The following TDRD9 variants were observed in gnomAD, a reference collection of about 807,000 sequenced individuals.
TDRD9 encodes the protein ATP-dependent RNA helicase TDRD9.
Under a neutral mutation model 172.6 loss-of-function variants are expected in TDRD9, and 124 were observed. That is an observed-to-expected ratio of 0.72 (90% confidence interval 0.62 to 0.83). The LOEUF is 0.83. Ranked by LOEUF, TDRD9 falls within the 40% of genes least tolerant of loss-of-function variation. TDRD9 has a pLI of 0.00. For missense variants in TDRD9, 1,479 were observed against 1,714.1 expected (o/e 0.86, Z 2.42); for synonymous variants, 619 against 617.1 (o/e 1.00, Z -0.05).
At chr14:104,026,416 T>C (rs907314159) in intron 27 of TDRD9, among the ~76,000 whole-genome samples, 14 of 152,248 alleles carry the variant, frequency 9.2e-5, no homozygotes, top group South Asian at 2.1e-4. Flanking sequence ...ACAGACTTTT[T>C]AGGTAGGCCA....
intron 1 of TDRD9, chr14:103,941,562 A>G: frequency 6.5e-7 from 1 of 1,535,248 alleles, no homozygotes; most frequent in Non-Finnish European, 8.7e-7. Context: ...GATTTCTTGT[A>G]TTAATCTCTC....
intron 1 of TDRD9, among the ~76,000 whole-genome samples, chr14:103,933,716 T>G (rs2030556707): frequency 6.6e-6 from 1 of 152,112 alleles, no homozygotes; most frequent in African/African-American, 2.4e-5. Context: ...CCCAGGTCCC[T>G]AAGTCTTGGT....
At chr14:103,966,635 C>A (rs888783458) in intron 4 of TDRD9, 74 bp from the exon 5 acceptor site, 10 of 1,314,980 alleles carry the variant, frequency 7.6e-6, no homozygotes, top group African/African-American at 1.5e-5. Context: ...CTTTCTTACC[C>A]CCATTATATT....
intron 21 of TDRD9, 122 bp from the exon 22 acceptor site, chr14:104,015,859 A>C: frequency 1.5e-6 from 1 of 650,944 alleles, no homozygotes; most frequent in South Asian, 2.9e-5. Flanking sequence ...AGTTTTCCAT[A>C]CAAACGATAA....
At chr14:103,957,155 T>A (rs2032288114) in intron 2 of TDRD9, among the ~76,000 whole-genome samples, 1 of 152,210 alleles carries the variant, frequency 6.6e-6, no homozygotes, top group African/African-American at 2.4e-5. Flanking sequence ...TGAGCCATCA[T>A]CTATGGCCCA....
chr14:103,970,707 T>C (rs762830412), intron 6 of TDRD9, 86 bp downstream of exon 6: 35 of 1,093,430 alleles, frequency 3.2e-5, no homozygotes, highest in Non-Finnish European at 4.7e-5. Flanking sequence ...TGTTGGTGTC[T>C]ATAGAGCATT....
In TDRD9 at chr14:104,010,036, C is replaced by A. The variant is rs559863939; in HGVS notation, c.2106+1570C>A. 4.0e-4 allele frequency among the ~76,000 whole-genome samples: 61 copies of A among 151,554 alleles called. 1 individual carries two copies. The South Asian group carries it at 6.3e-3, about 16-fold the overall frequency. On this transcript the variant is annotated intron_variant, in intron 20 of 35. Coordinates refer to ENST00000409874, the MANE Select transcript of TDRD9 (RefSeq NM_153046.3). ...TCTCGGCTCACTGTAACCTCTGCCT[C>A]CCGGGTTCAAACAATTCTCCTGCCT...
intron 4 of TDRD9, among the ~76,000 whole-genome samples, 171 bp from the exon 5 acceptor site, chr14:103,966,538 C>G (rs935485015): frequency 2.0e-5 from 3 of 151,712 alleles, no homozygotes; most frequent in African/African-American, 2.4e-5. Context: ...CGCCCTCCCC[C>G]CAAAAAAGAA....
chr14:104,038,201 A>G (rs2035507881), intron 32 of TDRD9, among the ~76,000 whole-genome samples: 1 of 152,102 alleles, frequency 6.6e-6, no homozygotes, highest in South Asian at 2.1e-4. Context: ...CAGGCATGAG[A>G]GGGTGGGGGG....
intron 1 of TDRD9, chr14:103,941,692 G>A: frequency 6.6e-7 from 1 of 1,508,068 alleles, no homozygotes; most frequent in Non-Finnish European, 8.8e-7. Context: ...CCAAAAAGTG[G>A]CATTTTTAGC....
At chr14:103,987,149 C>T (rs1199254236) in intron 8 of TDRD9, among the ~76,000 whole-genome samples, 6 of 151,848 alleles carry the variant, frequency 4.0e-5, no homozygotes, top group African/African-American at 1.2e-4. Context: ...CACACACACA[C>T]ACACACACAC....
intron 1 of TDRD9, chr14:103,941,694 A>G: frequency 6.7e-7 from 1 of 1,501,776 alleles, no homozygotes; most frequent in Non-Finnish European, 8.8e-7. Flanking sequence ...AAAAAGTGGC[A>G]TTTTTAGCCT....
chr14:103,936,909 T>C (rs563971100), intron 1 of TDRD9, among the ~76,000 whole-genome samples: 68 of 152,168 alleles, frequency 4.5e-4, no homozygotes, highest in African/African-American at 1.5e-3. Flanking sequence ...CTGGGCAACA[T>C]AGGGAGACCC....
intron 1 of TDRD9, among the ~76,000 whole-genome samples, chr14:103,929,970 G>T (rs1218556261): frequency 6.6e-6 from 1 of 152,162 alleles, no homozygotes; most frequent in Non-Finnish European, 1.5e-5. Flanking sequence ...CAGTTACTCT[G>T]TTCACTTGAT....
At chr14:104,051,932 G>T in intron 35 of TDRD9, 49 bp from the exon 36 acceptor site, 1 of 1,273,644 alleles carries the variant, frequency 7.9e-7, no homozygotes, top group South Asian at 1.3e-5. Context: ...TTTATGTCTG[G>T]AAAAGCCCTG....
At chr14:103,936,581 C>A (rs1304973928) in intron 1 of TDRD9, among the ~76,000 whole-genome samples, 1 of 152,192 alleles carries the variant, frequency 6.6e-6, no homozygotes, top group Non-Finnish European at 1.5e-5. Context: ...CAATAAAAAT[C>A]ACAATATCCT....
At chr14:104,005,507 C>G in intron 15 of TDRD9, 102 bp downstream of exon 15, 1 of 1,285,572 alleles carries the variant, frequency 7.8e-7, no homozygotes, top group Non-Finnish European at 1.1e-6. Context: ...CTGATCCTCC[C>G]GCCTCACTTT....
chr14:103,938,500 G>A (rs1177080672), intron 1 of TDRD9, among the ~76,000 whole-genome samples: 1 of 141,826 alleles, frequency 7.1e-6, no homozygotes, highest in African/African-American at 2.6e-5. Context: ...GTGCAATGGC[G>A]TGATCTTGGC....
chr14:103,930,537 C>T (rs984110568), intron 1 of TDRD9, among the ~76,000 whole-genome samples: 1 of 152,156 alleles, frequency 6.6e-6, no homozygotes, highest in Non-Finnish European at 1.5e-5. Flanking sequence ...TGGATAGGCC[C>T]AGACTCTGGG....
Sources: gnomAD v4.1 joint callset for allele counts (sites outside exome capture counted in the v4.1 genomes callset) on GRCh38, gnomAD v4.1.1 for gene constraint, MANE v1.5 for transcripts, NCBI Gene and HGNC (gene_info 2026-07-23, HGNC 2026-07-21) for gene names.